The following PICALM variants were observed in gnomAD, a reference collection of about 807,000 sequenced individuals.
PICALM encodes the protein phosphatidylinositol-binding clathrin assembly protein.
In PICALM, 40 loss-of-function variants were observed where a neutral mutation model predicts 80.5. The ratio of observed to expected loss-of-function variants is 0.50; its 90% CI spans 0.39 to 0.65. PICALM has a LOEUF of 0.65. PICALM is among the 30% of genes least tolerant of loss of function. PICALM has a pLI of 0.00. For missense variants in PICALM, 676 were observed against 778.9 expected (o/e 0.87, Z 1.57); for synonymous variants, 288 against 260.3 (o/e 1.11, Z -1.02).
At chr11:86,002,483 TATGAA>T (rs2095170599) in intron 9 of PICALM, among the ~76,000 whole-genome samples, 3 of 152,222 alleles carry the variant, frequency 2.0e-5, no homozygotes, top group African/African-American at 4.8e-5. Context: ...ACCAGACTGA[TATGAA>T]ATGATTTCTG....
At chr11:85,997,248 A>T (rs1489987140) in intron 11 of PICALM, among the ~76,000 whole-genome samples, 2 of 152,196 alleles carry the variant, frequency 1.3e-5, no homozygotes, top group Non-Finnish European at 2.9e-5. Flanking sequence ...TAAAATACAA[A>T]ATATCACAGC....
intron 1 of PICALM, 23 bp from the exon 2 acceptor site, chr11:86,031,634 GATTA>G: frequency 6.4e-7 from 1 of 1,561,194 alleles, no homozygotes; most frequent in Non-Finnish European, 8.7e-7. Flanking sequence ...ATTTTTAAAT[GATTA>G]ATTTCCTCTG....
chr11:86,049,651 T>G (rs1473913425), intron 1 of PICALM, among the ~76,000 whole-genome samples: 1 of 151,536 alleles, frequency 6.6e-6, no homozygotes, highest in Non-Finnish European at 1.5e-5. Context: ...CAGGCTGGTC[T>G]CAAACTCCTG....
At chr11:85,968,974 A>T (rs2094005481) in intron 19 of PICALM, among the ~76,000 whole-genome samples, 1 of 104,148 alleles carries the variant, frequency 9.6e-6, no homozygotes, top group African/African-American at 3.0e-5. Context: ...ACACACACAC[A>T]CACACACACA....
At chr11:85,969,595 G>A in intron 19 of PICALM, 2 of 343,736 alleles carry the variant, frequency 5.8e-6, no homozygotes, top group South Asian at 2.3e-5. Context: ...GCATTCTACG[G>A]ACAAAATTAA....
intron 5 of PICALM, among the ~76,000 whole-genome samples, chr11:86,013,951 T>C (rs1224444931): frequency 1.3e-5 from 2 of 152,212 alleles, no homozygotes; most frequent in Non-Finnish European, 2.9e-5. Context: ...TGGAATTTCA[T>C]GTAACTTCCA....
At chr11:86,027,659 G>C (rs188386805) in intron 2 of PICALM, among the ~76,000 whole-genome samples, 10 of 151,784 alleles carry the variant, frequency 6.6e-5, no homozygotes, top group Non-Finnish European at 1.5e-4. Context: ...CAAGTAGCTG[G>C]GACTACAGGC....
chr11:86,039,322 T>C (rs1438536072), intron 1 of PICALM, among the ~76,000 whole-genome samples: 1 of 152,078 alleles, frequency 6.6e-6, no homozygotes, highest in Admixed American at 6.6e-5. Context: ...TCCCAGGAGT[T>C]CAAGGCTGTA....
intron 3 of PICALM, among the ~76,000 whole-genome samples, chr11:86,024,760 G>T (rs1302154099): frequency 6.6e-6 from 1 of 152,084 alleles, no homozygotes; most frequent in African/African-American, 2.4e-5. Flanking sequence ...CATTTGCTCT[G>T]TAAATCTTAA....
At chr11:85,978,301 A>G (rs1289893855) in intron 17 of PICALM, 1 of 429,144 alleles carries the variant, frequency 2.3e-6, no homozygotes, top group East Asian at 3.8e-5. Flanking sequence ...CTTTGGCCTC[A>G]TCTCTTTATA....
intron 1 of PICALM, among the ~76,000 whole-genome samples, chr11:86,060,378 A>G (rs1444321842): frequency 2.0e-5 from 3 of 152,324 alleles, no homozygotes; most frequent in Admixed American, 6.5e-5. Flanking sequence ...ACAATTTAGA[A>G]GAGTGGCACT....
chr11:86,025,720 G>A (rs553804700), intron 3 of PICALM, among the ~76,000 whole-genome samples: 50 of 151,878 alleles, frequency 3.3e-4, no homozygotes, highest in Non-Finnish European at 6.0e-4. Context: ...CACCAATCCC[G>A]GCTAATTTTT....
At chr11:86,040,358 T>A (rs899162871) in intron 1 of PICALM, among the ~76,000 whole-genome samples, 1 of 152,164 alleles carries the variant, frequency 6.6e-6, no homozygotes, top group Non-Finnish European at 1.5e-5. Flanking sequence ...AATAACTTTT[T>A]AAAATTTTAT....
chr11:86,069,701 G>A (rs2096489759), upstream of PICALM: 3 of 152,184 alleles, frequency 2.0e-5, 1 homozygote, highest in Non-Finnish European at 2.9e-5. Flanking sequence ...AACTATTGAA[G>A]CTCTCCTTAT....
chr11:86,046,785 A>T (rs1369653292), intron 1 of PICALM, among the ~76,000 whole-genome samples: 1 of 152,194 alleles, frequency 6.6e-6, no homozygotes, highest in African/African-American at 2.4e-5. Context: ...CTACAGGTAC[A>T]TGCCAGCACA....
chr11:85,972,972 C>G (rs995014416), intron 19 of PICALM, among the ~76,000 whole-genome samples: 3 of 152,108 alleles, frequency 2.0e-5, no homozygotes, highest in Non-Finnish European at 4.4e-5. Flanking sequence ...ACTATAAATA[C>G]TGTAAACACT....
At chr11:85,991,258 A>T (rs1420998719) in intron 12 of PICALM, among the ~76,000 whole-genome samples, 1 of 152,112 alleles carries the variant, frequency 6.6e-6, no homozygotes, top group Non-Finnish European at 1.5e-5. Context: ...AAATAGTATA[A>T]TTTTTTCTTT....
At chr11:86,006,033 C>G (rs1277436146) in intron 8 of PICALM, among the ~76,000 whole-genome samples, 1 of 152,208 alleles carries the variant, frequency 6.6e-6, no homozygotes, top group Non-Finnish European at 1.5e-5. Context: ...GTAACTTCTA[C>G]ATCTAGCCTG....
At chr11:85,995,608 T>C (rs1430174878) in intron 12 of PICALM, among the ~76,000 whole-genome samples, 3 of 152,168 alleles carry the variant, frequency 2.0e-5, no homozygotes, top group Admixed American at 6.5e-5. Context: ...TTTTAGTCTA[T>C]TTAGAAAAAC....
Sources: gnomAD v4.1 joint callset for allele counts (sites outside exome capture counted in the v4.1 genomes callset) on GRCh38, gnomAD v4.1.1 for gene constraint, MANE v1.5 for transcripts, NCBI Gene and HGNC (gene_info 2026-07-23, HGNC 2026-07-21) for gene names.